The following TTLL5 variants were observed in gnomAD, a reference collection of about 807,000 sequenced individuals.
TTLL5 encodes tubulin polyglutamylase TTLL5.
Under a neutral mutation model 168.4 loss-of-function variants are expected in TTLL5, and 132 were observed. The ratio of observed to expected loss-of-function variants is 0.78; its 90% CI spans 0.68 to 0.91. TTLL5 has a LOEUF of 0.91. Among genes scored for constraint, TTLL5 ranks in the 40% least tolerant of loss-of-function variants. The probability of loss-of-function intolerance (pLI) is 0.00; values close to 1 mark genes in which losing one functional copy is unlikely to be tolerated. For missense variants in TTLL5, 1,545 were observed against 1,581.5 expected (o/e 0.98, Z 0.39); for synonymous variants, 546 against 558.6 (o/e 0.98, Z 0.32).
Position 75,681,629 on chromosome 14 carries a change from T to G in TTLL5, c.264+2T>G. On this transcript the variant is annotated splice_donor_variant, in intron 4 of 31. Transcript: ENST00000298832. LOFTEE classifies it high-confidence loss of function. The stretch of plus-strand genomic sequence containing the variant: ...CTGACAGCCCATGGATTTCATGAAG[T>G]AAGTTTATTTTTAATACCTCACCTG... The G allele has an allele frequency of 1.2e-6, 2 of 1,612,482 alleles. No individual in the cohort carries two copies. Among genetic ancestry groups the G allele is most frequent in the Non-Finnish European group, 1.7e-6 (2 of 1,179,434 alleles).
intron 6 of TTLL5, 24 bp from the exon 7 acceptor site, chr14:75,699,164 T>G: frequency 6.3e-7 from 1 of 1,595,834 alleles, no homozygotes; most frequent in Non-Finnish European, 8.6e-7. Flanking sequence ...TCCTCTGTTT[T>G]TTATCTCCCA....
At chr14:75,751,915 T>C (rs1889979474) in intron 17 of TTLL5, among the ~76,000 whole-genome samples, 1 of 152,172 alleles carries the variant, frequency 6.6e-6, no homozygotes, top group Non-Finnish European at 1.5e-5. Context: ...TGGTTGCCCC[T>C]TTTTATGGTT....
intron 31 of TTLL5, chr14:75,930,607 A>G (rs1167054858): frequency 2.0e-6 from 2 of 985,336 alleles, no homozygotes; most frequent in Non-Finnish European, 2.4e-6. Context: ...GCAGAGAACA[A>G]GAAATTCACG....
At chr14:75,734,763 A>C (rs1422581484) in intron 14 of TTLL5, among the ~76,000 whole-genome samples, 1 of 152,252 alleles carries the variant, frequency 6.6e-6, no homozygotes, top group Non-Finnish European at 1.5e-5. Flanking sequence ...CTGCAGTTCC[A>C]GAAGTAGATC....
At position 75,679,871 on chromosome 14, in the gene TTLL5, G is replaced by T. The variant is rs75422638; in HGVS notation, c.182-1674G>T. Among the ~76,000 whole-genome samples the T allele has an allele frequency of 1.8e-3, 270 of 152,338 alleles. 1 individual carries two copies. The highest frequency in any genetic ancestry group is 3.4e-3 in the Middle Eastern group (1 of 294). On this transcript the variant is annotated intron_variant, in intron 3 of 31. Transcript: ENST00000298832. ...GAAAGTTTGCCCACAAGAATGAAAA[G>T]GACGAAGTGATTGACATTTTAAATG...
chr14:75,740,237 T>C (rs1292851414), intron 15 of TTLL5, among the ~76,000 whole-genome samples: 1 of 152,228 alleles, frequency 6.6e-6, no homozygotes, highest in Non-Finnish European at 1.5e-5. Context: ...AATGAAACTT[T>C]TAAAGCATGT....
chr14:75,669,598 C>CAT, intron 3 of TTLL5, 76 bp downstream of exon 3: 1 of 1,263,460 alleles, frequency 7.9e-7, no homozygotes, highest in Admixed American at 2.3e-5. Context: ...GTTGATATGA[C>CAT]ATATATATAG....
intron 5 of TTLL5, chr14:75,684,870 T>C (rs1884917717): frequency 6.6e-6 from 1 of 152,236 alleles, no homozygotes. Context: ...GAATGTTCTA[T>C]ACAGAACTTG....
In TTLL5 at chr14:75,824,649, G is replaced by A. The variant is rs543392471; in HGVS notation, c.3326+4488G>A. Reference sequence around the variant, plus strand: ...GATGAAAATGTTCTAGAAATCTGTTGCAGAATGATGTGAATGCACTTAACA... The same window carrying A: ...GATGAAAATGTTCTAGAAATCTGTTACAGAATGATGTGAATGCACTTAACA... On this transcript the variant is annotated intron_variant, in intron 28 of 31. Coordinates refer to ENST00000298832, the MANE Select transcript of TTLL5 (RefSeq NM_015072.5). Among the ~76,000 whole-genome samples the A allele has an allele frequency of 2.2e-3, 334 of 152,120 alleles. 1 individual carries two copies. The highest frequency in any genetic ancestry group is 7.8e-3 in the African/African-American group (325 of 41,516).
chr14:75,882,833 C>T lies in TTLL5; in HGVS notation c.3671C>T (p.Ser1224Phe). Residue 1224 changes from serine (S) to phenylalanine (F), a missense_variant, in exon 30 of 32, where the codon TCC becomes TTC. Ser to Phe is a radical substitution (Grantham distance 155). Coordinates refer to ENST00000298832, the MANE Select transcript of TTLL5 (RefSeq NM_015072.5). ...KVVPPPSSCASLVPKPPPNHE... is the reference protein window; with the variant it reads ...KVVPPPSSCAFLVPKPPPNHE... ...GTACCACCTCCAAGTTCTTGCGCCT[C>T]CCTGGTTCCCAAACCCCCACCCAAC... is the stretch of plus-strand genomic sequence containing the variant. 6.2e-7 allele frequency: 1 copy of T among 1,614,168 alleles called. No homozygotes were observed. Among genetic ancestry groups the T allele is most frequent in the Admixed American group, 1.7e-5 (1 of 60,022 alleles).
intron 18 of TTLL5, among the ~76,000 whole-genome samples, chr14:75,763,531 T>TA (rs1890789326): frequency 6.6e-6 from 1 of 152,114 alleles, no homozygotes; most frequent in Non-Finnish European, 1.5e-5. Context: ...CCAGAGGAGT[T>TA]AGGATGATTT....
intron 2 of TTLL5, among the ~76,000 whole-genome samples, chr14:75,664,524 G>A (rs1480355499): frequency 4.6e-5 from 7 of 152,132 alleles, no homozygotes; most frequent in African/African-American, 1.7e-4. Flanking sequence ...CAAATGTAAG[G>A]CATTATTTTT....
chr14:75,855,491 C>T (rs1897086535), intron 28 of TTLL5, among the ~76,000 whole-genome samples: 2 of 152,166 alleles, frequency 1.3e-5, no homozygotes, highest in South Asian at 4.1e-4. Flanking sequence ...TCATAGTTTG[C>T]ACCACATGGA....
In TTLL5 at chr14:75,807,685, CTCTG is replaced by C. The variant is rs1428544215; in HGVS notation, c.3172-12317_3172-12314del. ...TTACTGTGCTAAGACTCAAACTCAG[CTCTG>C]TCTGACTCTGTGCTCTTTACCTCAG... On this transcript the variant is annotated intron_variant, in intron 27 of 31. Coordinates refer to ENST00000298832, the MANE Select transcript of TTLL5 (RefSeq NM_015072.5). Among the ~76,000 whole-genome samples, 9 of 152,332 alleles carry C rather than the reference CTCTG, an allele frequency of 5.9e-5. No individual in the cohort carries two copies. The East Asian group carries it at 1.7e-3, about 29-fold the overall frequency.
At chr14:75,718,056 CT>C in intron 10 of TTLL5, 94 bp downstream of exon 10, 1 of 1,038,568 alleles carries the variant, frequency 9.6e-7, no homozygotes, top group Non-Finnish European at 1.5e-6. Context: ...TGGAGGACAA[CT>C]TTACATTAAT....
chr14:75,683,923 A>T, intron 5 of TTLL5: 1 of 315,624 alleles, frequency 3.2e-6, no homozygotes, highest in East Asian at 8.5e-5. Context: ...ACAAGCTTGC[A>T]CCACCATGCC....
At chr14:75,772,929 A>C (rs1278839907) in intron 21 of TTLL5, among the ~76,000 whole-genome samples, 1 of 152,130 alleles carries the variant, frequency 6.6e-6, no homozygotes, top group African/African-American at 2.4e-5. Context: ...GGCCTCCCAA[A>C]GTGCTGGGAT....
intron 31 of TTLL5, among the ~76,000 whole-genome samples, chr14:75,934,288 T>C (rs2034368202): frequency 6.6e-6 from 1 of 152,188 alleles, no homozygotes; most frequent in Non-Finnish European, 1.5e-5. Flanking sequence ...CAGAGGTCAT[T>C]AAAAGGCTGC....
intron 28 of TTLL5, among the ~76,000 whole-genome samples, chr14:75,843,602 G>A (rs928540950): frequency 6.6e-6 from 1 of 152,246 alleles, no homozygotes; most frequent in South Asian, 2.1e-4. Flanking sequence ...AATAAGGCAG[G>A]TAGCACTGCA....
Sources: gnomAD v4.1 joint callset for allele counts (sites outside exome capture counted in the v4.1 genomes callset) on GRCh38, gnomAD v4.1.1 for gene constraint, MANE v1.5 for transcripts, NCBI Gene and HGNC (gene_info 2026-07-23, HGNC 2026-07-21) for gene names.